Variants in GALNT1 observed in about 807,000 individuals in gnomAD.
GALNT1 encodes the protein polypeptide N-acetylgalactosaminyltransferase 1.
In GALNT1, 17 loss-of-function variants were observed where a neutral mutation model predicts 65.7. The ratio of observed to expected loss-of-function variants is 0.26; its 90% confidence interval spans 0.18 to 0.39. The LOEUF (loss-of-function observed/expected upper bound fraction) is 0.39. Ranked by LOEUF, GALNT1 falls within the 10% of genes least tolerant of loss-of-function variation. GALNT1 has a pLI of 1.00. For synonymous variants in GALNT1, 210 were observed against 219.7 expected, an observed-to-expected ratio of 0.96 and a Z score of 0.39; for missense variants, 460 against 672.8, an observed-to-expected ratio of 0.68 and a Z score of 3.50.
intron 9 of GALNT1, among the ~76,000 whole-genome samples, chr18:35,693,418 T>A (rs1173034614): frequency 6.6e-6 from 1 of 152,168 alleles, no homozygotes; most frequent in East Asian, 1.9e-4. Context: ...AGCTTTTAGG[T>A]TATAGTGAGA....
At chr18:35,637,931 T>G (rs1231609362) in intron 1 of GALNT1, among the ~76,000 whole-genome samples, 2 of 152,238 alleles carry the variant, frequency 1.3e-5, no homozygotes, top group African/African-American at 2.4e-5. Context: ...CTCTGCTCTA[T>G]ACATGGAACA....
rs957840673 is a variant in GALNT1, at chr18:35,644,432, G to A, written c.-103-10128G>A. On this transcript the variant is annotated intron_variant, in intron 1 of 11. Transcript: ENST00000269195. Reference sequence around the variant, plus strand: ...TAGGAAGCTGGGAATATAAATTGAAGCCTACGAGACTGGAGCCGTACTCAC... The same window carrying A: ...TAGGAAGCTGGGAATATAAATTGAAACCTACGAGACTGGAGCCGTACTCAC... Among the ~76,000 whole-genome samples, 70 of 152,284 alleles carry A rather than the reference G, an allele frequency of 4.6e-4. 1 individual carries two copies. Among genetic ancestry groups the A allele is most frequent in the African/African-American group, 1.5e-3 (64 of 41,540 alleles).
intron 11 of GALNT1, among the ~76,000 whole-genome samples, chr18:35,705,518 T>C (rs1257872690): frequency 6.6e-6 from 1 of 152,236 alleles, no homozygotes; most frequent in Non-Finnish European, 1.5e-5. Flanking sequence ...GGAAATGGCC[T>C]GAATGCTCTG....
intron 1 of GALNT1, among the ~76,000 whole-genome samples, chr18:35,652,149 A>G (rs781376244): frequency 2.0e-5 from 3 of 152,150 alleles, no homozygotes; most frequent in African/African-American, 4.8e-5. Flanking sequence ...CAAAGAAGAC[A>G]TTTTCTAAGA....
chr18:35,687,290 C>T (rs1201181113), intron 6 of GALNT1, 104 bp downstream of exon 6: 124 of 1,052,570 alleles, frequency 1.2e-4, no homozygotes, highest in Non-Finnish European at 8.7e-5. Context: ...AAACGTGAAG[C>T]ATTCGTATAC....
rs546289815 is a variant in GALNT1, at chr18:35,674,908, G to A, written c.315-2683G>A. Among the ~76,000 whole-genome samples, 278 of 149,210 alleles carry A rather than the reference G, an allele frequency of 1.9e-3. 1 individual carries two copies. The highest frequency in any genetic ancestry group is 6.6e-3 in the African/African-American group (267 of 40,210). ...TGAGGCAGGAGAATGGCGTGAACCC[G>A]GGAGGTGGAGCTTGCAGTGAGCTGA... On this transcript the variant is annotated intron_variant, in intron 3 of 11. Transcript: ENST00000269195.
rs1455408065 is a variant in GALNT1 at position 35,711,199 on chromosome 18, A to G, written c.*1429A>G. 6.6e-6 allele frequency: 1 copy of G among 152,360 alleles called. No individual in the cohort carries two copies. The highest frequency in any genetic ancestry group is 2.4e-5 in the African/African-American group (1 of 41,430). The allele number at this position is 152,360 out of a possible 1,614,324, so 9.4% of individuals were successfully genotyped here. ...TTAATCTCGTAGGAGGAATCTCATTAAGACATTTTTCCTGATATGTAGAGC... is the reference window on the plus strand; with the variant it reads ...TTAATCTCGTAGGAGGAATCTCATTGAGACATTTTTCCTGATATGTAGAGC... On this transcript the variant is annotated 3_prime_UTR_variant, in exon 12 of 12. Coordinates refer to ENST00000269195, the MANE Select transcript of GALNT1 (RefSeq NM_020474.4).
At chr18:35,630,461 C>A (rs1273939144) in intron 1 of GALNT1, among the ~76,000 whole-genome samples, 2 of 152,108 alleles carry the variant, frequency 1.3e-5, no homozygotes, top group Non-Finnish European at 2.9e-5. Flanking sequence ...CTACTGGGTA[C>A]ATAATGAAAT....
intron 3 of GALNT1, among the ~76,000 whole-genome samples, chr18:35,671,889 A>C (rs1284899907): frequency 6.6e-6 from 1 of 152,214 alleles, no homozygotes; most frequent in Admixed American, 6.5e-5. Context: ...TCCTAGCTGT[A>C]ATCTCAAATA....
intron 1 of GALNT1, among the ~76,000 whole-genome samples, chr18:35,637,121 C>T (rs981445262): frequency 1.3e-5 from 2 of 152,116 alleles, no homozygotes; most frequent in Non-Finnish European, 2.9e-5. Context: ...TATCCCTGTT[C>T]CCCAAGATAC....
chr18:35,660,237 G>A (rs565823), intron 2 of GALNT1, among the ~76,000 whole-genome samples: 1 of 151,692 alleles, frequency 6.6e-6, no homozygotes, highest in African/African-American at 2.4e-5. Flanking sequence ...TATAACTTTA[G>A]TCTACTTTCC....
At chr18:35,648,467 A>G (rs1168813339) in intron 1 of GALNT1, among the ~76,000 whole-genome samples, 1 of 152,212 alleles carries the variant, frequency 6.6e-6, no homozygotes, top group East Asian at 1.9e-4. Flanking sequence ...GTTTATTGGT[A>G]CATTACCCCA....
chr18:35,666,399 A>G (rs552402180), intron 3 of GALNT1, among the ~76,000 whole-genome samples: 1 of 152,292 alleles, frequency 6.6e-6, no homozygotes, highest in African/African-American at 2.4e-5. Flanking sequence ...TTCACAAACC[A>G]TTTGCTTTCC....
intron 9 of GALNT1, among the ~76,000 whole-genome samples, chr18:35,698,426 G>A (rs925393046): frequency 4.6e-5 from 7 of 152,088 alleles, no homozygotes; most frequent in Admixed American, 1.3e-4. Context: ...CCAAGATTGT[G>A]CCACTGCATT....
At chr18:35,609,340 A>G (rs1055520664) in intron 1 of GALNT1, among the ~76,000 whole-genome samples, 36 of 152,190 alleles carry the variant, frequency 2.4e-4, no homozygotes, top group African/African-American at 8.4e-4. Flanking sequence ...TATGCAGAAT[A>G]TATGGAATAA....
chr18:35,688,051 C>CT (rs1363401431), intron 6 of GALNT1, among the ~76,000 whole-genome samples: 1 of 152,084 alleles, frequency 6.6e-6, no homozygotes, highest in East Asian at 1.9e-4. Flanking sequence ...GTGCAATTCA[C>CT]TATCTAAATC....
chr18:35,633,227 A>G (rs188792990), intron 1 of GALNT1, among the ~76,000 whole-genome samples: 59 of 152,312 alleles, frequency 3.9e-4, no homozygotes, highest in Admixed American at 1.0e-3. Context: ...TCATGCTACT[A>G]TAAAGACACA....
intron 9 of GALNT1, among the ~76,000 whole-genome samples, chr18:35,696,921 T>C (rs956857379): frequency 2.0e-5 from 3 of 152,252 alleles, no homozygotes; most frequent in Admixed American, 1.3e-4. Context: ...TCTTACATTG[T>C]CCACCCTAAT....
intron 1 of GALNT1, among the ~76,000 whole-genome samples, chr18:35,598,282 G>T (rs113786144): frequency 2.6e-5 from 4 of 151,866 alleles, no homozygotes; most frequent in African/African-American, 9.7e-5. Flanking sequence ...TGATCTTCCT[G>T]CCTCGGCCTT....
Sources: allele counts gnomAD v4.1 joint callset (sites outside exome capture counted in the v4.1 genomes callset), GRCh38; gene constraint gnomAD v4.1.1; transcripts MANE v1.5; gene names NCBI Gene and HGNC (gene_info 2026-07-23, HGNC 2026-07-21).